Variants in RAF1 observed in about 807,000 individuals in gnomAD.
The protein encoded by RAF1 is Raf-1 proto-oncogene, serine/threonine kinase, also known as RAF proto-oncogene serine/threonine-protein kinase.
A neutral mutation model predicts 81.1 loss-of-function variants in RAF1; 27 were observed. That is an observed-to-expected ratio of 0.33 (90% confidence interval 0.25 to 0.46). The LOEUF is 0.46. Ranked by LOEUF, RAF1 falls within the 20% of genes least tolerant of loss-of-function variation. The pLI, the probability that RAF1 is intolerant of heterozygous loss-of-function variation, is 1.00. For synonymous variants in RAF1, 298 were observed against 294.0 expected, an observed-to-expected ratio of 1.01 and a Z score of -0.14; for missense variants, 598 against 826.0, an observed-to-expected ratio of 0.72 and a Z score of 3.38.
intron 1 of RAF1, among the ~76,000 whole-genome samples, chr3:12,643,120 A>G (rs1575653336): frequency 1.3e-5 from 2 of 152,284 alleles, no homozygotes; most frequent in South Asian, 2.1e-4. Context: ...TCCCACCCAT[A>G]ACACTGCATC....
At chr3:12,598,743 A>AAAAAAAAAAC (rs2058765937) in intron 11 of RAF1, among the ~76,000 whole-genome samples, 1 of 148,436 alleles carries the variant, frequency 6.7e-6, no homozygotes, top group Non-Finnish European at 1.5e-5. Context: ...AAAAAAAAAA[A>AAAAAAAAAAC]AAAAAAAAAA....
At position 12,609,072 on chromosome 3, in the gene RAF1, C is replaced by G. The variant is rs2125418150; in HGVS notation, c.424-149G>C. The G allele has an allele frequency of 5.4e-6, 6 of 1,115,302 alleles. No individual in the cohort carries two copies. In the South Asian group the frequency reaches 6.6e-5, roughly 12 times the overall value. 69.1% of individuals were successfully genotyped at this position (1,115,302 alleles called of 1,614,324 possible). A position where few individuals can be genotyped will look rare whatever the true frequency, so the allele number is the denominator to read the frequency against. ...CATAATCACAAATTAGAGTATATCT[C>G]TGACTAATGAAATCTAAATTGCCTT... On this transcript the variant is annotated intron_variant, in intron 4 of 17. Coordinates refer to ENST00000442415, the MANE Select transcript of RAF1 (RefSeq NM_001354689.3).
intron 1 of RAF1, among the ~76,000 whole-genome samples, chr3:12,641,490 GTTTTTT>G (rs747472648): frequency 1.5e-5 from 2 of 134,614 alleles, no homozygotes; most frequent in African/African-American, 5.5e-5. Context: ...ATGTTTTTTG[GTTTTTT>G]TTTTTTTTTT....
At chr3:12,640,738 A>C (rs889681854) in intron 1 of RAF1, among the ~76,000 whole-genome samples, 6 of 41,934 alleles carry the variant, frequency 1.4e-4, no homozygotes, top group Non-Finnish European at 2.2e-4. Flanking sequence ...GGATGTGGAG[A>C]AATAGAACAC....
chr3:12,605,282 G>GTGTGTGTGTGTGTA (rs1479689253), intron 6 of RAF1, among the ~76,000 whole-genome samples: 3 of 151,072 alleles, frequency 2.0e-5, no homozygotes, highest in African/African-American at 7.3e-5. Flanking sequence ...GTGTGTGTGT[G>GTGTGTGTGTGTGTA]TATACATAAT....
rs1053150397 is a variant in RAF1, at chr3:12,636,457, CTGAT to C, written c.-26-17714_-26-17711del. ...CTGTATATCTTTAAAAAAAAAAAAA[CTGAT>C]TGATTACATTAAAATGCAGTAAGCA... On this transcript the variant is annotated intron_variant, in intron 1 of 17. Coordinates refer to ENST00000442415, the MANE Select transcript of RAF1 (RefSeq NM_001354689.3). 1.8e-4 allele frequency among the ~76,000 whole-genome samples: 16 copies of C among 91,344 alleles called. 2 individuals carry two copies. In the South Asian group the frequency reaches 5.8e-3, roughly 33 times the overall value. The allele number at this position is 91,344 out of a possible 152,430, so 59.9% of individuals were successfully genotyped here.
chr3:12,600,050 T>G (rs1048565522), intron 10 of RAF1, 102 bp downstream of exon 9: 1 of 1,541,442 alleles, frequency 6.5e-7, no homozygotes, highest in African/African-American at 1.4e-5. Context: ...TGAATGTATT[T>G]TATTAGAATC....
Position 12,618,570 on chromosome 3 carries a change from G to A in RAF1, c.152C>T (p.Pro51Leu). ...ACGGATAGTGTTGCTTGTCTTAGAA[G>A]GATCTGTGAGTTTGCCATCATCTGA... Residue 51 changes from proline (P) to leucine (L), a missense_variant, in exon 2 of 18, where the codon CCT becomes CTT. By Grantham distance (98) the Pro-to-Leu change is moderately conservative. This residue lies in a region of RAF1 where 83 missense variants were observed against 72.3 expected (regional missense o/e 1.15). Coordinates refer to ENST00000442415, the MANE Select transcript of RAF1 (RefSeq NM_001354689.3). The A allele has an allele frequency of 6.2e-7, 1 of 1,614,168 alleles. No homozygotes were observed. Among genetic ancestry groups the A allele is most frequent in the Non-Finnish European group, 8.5e-7 (1 of 1,180,032 alleles).
At chr3:12,586,293 G>C (rs2058330906) in intron 14 of RAF1, among the ~76,000 whole-genome samples, 1 of 152,154 alleles carries the variant, frequency 6.6e-6, no homozygotes, top group African/African-American at 2.4e-5. Context: ...CAATGTTGTA[G>C]TAAGAAATTC....
At chr3:12,625,578 C>T (rs903986403) in intron 1 of RAF1, among the ~76,000 whole-genome samples, 6 of 152,216 alleles carry the variant, frequency 3.9e-5, no homozygotes, top group Admixed American at 3.3e-4. Flanking sequence ...CTGAAAATTA[C>T]CTCAGACTCA....
chr3:12,639,141 T>G (rs1404421064), intron 1 of RAF1, among the ~76,000 whole-genome samples: 1 of 152,188 alleles, frequency 6.6e-6, no homozygotes, highest in Non-Finnish European at 1.5e-5. Context: ...TCTCAATAGA[T>G]GCAGAAAAGG....
intron 13 of RAF1, chr3:12,590,462 T>G: frequency 1.7e-5 from 5 of 298,304 alleles, no homozygotes; most frequent in Non-Finnish European, 2.7e-5. Context: ...GTAGCTGGGA[T>G]TATAGGCATG....
chr3:12,597,654 C>T (rs2058726716), intron 11 of RAF1, among the ~76,000 whole-genome samples: 1 of 152,178 alleles, frequency 6.6e-6, no homozygotes, highest in African/African-American at 2.4e-5. Flanking sequence ...GTGGCTCACA[C>T]CTGCAATCCC....
intron 1 of RAF1, among the ~76,000 whole-genome samples, chr3:12,653,028 G>A (rs973558518): frequency 1.3e-5 from 2 of 151,604 alleles, no homozygotes; most frequent in African/African-American, 2.4e-5. Flanking sequence ...ATGCCTATAA[G>A]CCCAGCACTT....
chr3:12,662,960 A>AT (rs2060926498), intron 1 of RAF1, among the ~76,000 whole-genome samples: 1 of 152,086 alleles, frequency 6.6e-6, no homozygotes, highest in Non-Finnish European at 1.5e-5. Context: ...TTTTCCACTT[A>AT]GATTAAGTGA....
intron 11 of RAF1, among the ~76,000 whole-genome samples, chr3:12,597,858 G>T (rs1028523688): frequency 1.3e-5 from 2 of 151,756 alleles, no homozygotes; most frequent in Admixed American, 6.6e-5. Flanking sequence ...GGCAGAGACT[G>T]CAGTAAGCCA....
At chr3:12,662,822 T>C (rs1482146801) in intron 1 of RAF1, among the ~76,000 whole-genome samples, 1 of 152,088 alleles carries the variant, frequency 6.6e-6, no homozygotes, top group Non-Finnish European at 1.5e-5. Context: ...CCATAACACT[T>C]GATAAGCCAA....
intron 2 of RAF1, among the ~76,000 whole-genome samples, chr3:12,615,621 A>C (rs990929033): frequency 2.0e-5 from 3 of 152,214 alleles, no homozygotes; most frequent in Non-Finnish European, 4.4e-5. Flanking sequence ...GTTCATCTTT[A>C]CCCAAAGAAA....
intron 12 of RAF1, 28 bp downstream of exon 11, chr3:12,591,680 G>A (rs937221609): frequency 6.3e-7 from 1 of 1,587,668 alleles, no homozygotes. Context: ...GCACTCCAGA[G>A]GGACTGGACC....
Sources: allele counts gnomAD v4.1 joint callset (sites outside exome capture counted in the v4.1 genomes callset), GRCh38; gene constraint gnomAD v4.1.1; regional missense constraint gnomAD v4.1.1; transcripts MANE v1.5; gene names NCBI Gene and HGNC (gene_info 2026-07-23, HGNC 2026-07-21).